DLG2: variants seen among roughly 807,000 people sequenced by gnomAD.
DLG2 encodes the protein disks large homolog 2.
DLG2 carries 45 observed loss-of-function variants against 132.5 expected under a neutral mutation model. That is an observed-to-expected ratio of 0.34 (90% CI 0.27 to 0.44). The LOEUF (loss-of-function observed/expected upper bound fraction) is 0.44, where lower values mean the gene tolerates loss of function less well. Among genes scored for constraint, DLG2 ranks in the 20% least tolerant of loss-of-function variants. The probability of loss-of-function intolerance (pLI) is 1.00; values close to 1 mark genes in which losing one functional copy is unlikely to be tolerated. For synonymous variants in DLG2, 424 were observed against 419.6 expected (o/e 1.01, Z -0.13); for missense variants, 1,045 against 1,196.9 (o/e 0.87, Z 1.87).
At chr11:84,550,966 C>T (rs2099400663) in intron 6 of DLG2, among the ~76,000 whole-genome samples, 2 of 152,120 alleles carry the variant, frequency 1.3e-5, no homozygotes, top group African/African-American at 4.8e-5. Context: ...TATGGGAAGA[C>T]ACTCAGGGGT....
rs557657093 is a variant in DLG2, at chr11:84,257,342, C to T, written c.520-6051G>A. 8.5e-5 allele frequency among the ~76,000 whole-genome samples: 13 copies of T among 152,266 alleles called. 1 individual carries two copies. In the East Asian group the frequency reaches 2.5e-3, roughly 29 times the overall value. On this transcript the variant is annotated intron_variant, in intron 7 of 27. Coordinates refer to ENST00000376104, the MANE Select transcript of DLG2 (RefSeq NM_001142699.3). Reference sequence around the variant, plus strand: ...ACCCTACTCCTATTTGGAGGATTTACTTGGAACCTACAATTATCACTACCT... The same window carrying T: ...ACCCTACTCCTATTTGGAGGATTTATTTGGAACCTACAATTATCACTACCT...
intron 3 of DLG2, among the ~76,000 whole-genome samples, chr11:85,552,779 T>C (rs2076737397): frequency 6.6e-6 from 1 of 151,470 alleles, no homozygotes; most frequent in Non-Finnish European, 1.5e-5. Context: ...GAATGAATGT[T>C]ATGGAGGATA....
chr11:85,176,735 G>C (rs550651101), intron 4 of DLG2, among the ~76,000 whole-genome samples: 13 of 151,922 alleles, frequency 8.6e-5, no homozygotes, highest in Non-Finnish European at 1.6e-4. Context: ...CTAATATCTA[G>C]AGTTTACATG....
At chr11:85,502,901 T>C (rs959840507) in intron 3 of DLG2, among the ~76,000 whole-genome samples, 3 of 152,106 alleles carry the variant, frequency 2.0e-5, no homozygotes, top group Admixed American at 6.6e-5. Context: ...TTGATTTTAA[T>C]AGCAAAGGCT....
chr11:83,969,408 T>C (rs1340265561), intron 12 of DLG2, among the ~76,000 whole-genome samples: 1 of 152,200 alleles, frequency 6.6e-6, no homozygotes, highest in Admixed American at 6.5e-5. Flanking sequence ...AATAGTATAC[T>C]GCATCATCCT....
At chr11:83,783,526 C>T (rs2094921050) in intron 18 of DLG2, among the ~76,000 whole-genome samples, 1 of 152,026 alleles carries the variant, frequency 6.6e-6, no homozygotes, top group Non-Finnish European at 1.5e-5. Context: ...ATGAAGAATC[C>T]CTTCAACCTT....
chr11:84,433,866 C>A (rs2154474318), intron 7 of DLG2, among the ~76,000 whole-genome samples: 1 of 152,150 alleles, frequency 6.6e-6, no homozygotes, highest in Non-Finnish European at 1.5e-5. Flanking sequence ...CCTGTAATCC[C>A]AGCACTTTGG....
intron 6 of DLG2, among the ~76,000 whole-genome samples, chr11:84,554,061 T>A (rs2099407095): frequency 6.6e-6 from 1 of 152,212 alleles, no homozygotes; most frequent in African/African-American, 2.4e-5. Context: ...TTGAATTCAA[T>A]TCAAATTCTC....
At chr11:84,596,703 C>T (rs1233003275) in intron 6 of DLG2, among the ~76,000 whole-genome samples, 1 of 152,044 alleles carries the variant, frequency 6.6e-6, no homozygotes, top group Non-Finnish European at 1.5e-5. Flanking sequence ...CATGCGTTTG[C>T]CACAGGAAGC....
chr11:84,849,342 C>T (rs1255687073), intron 6 of DLG2, among the ~76,000 whole-genome samples: 3 of 152,136 alleles, frequency 2.0e-5, no homozygotes, highest in South Asian at 2.1e-4. Context: ...CGCTCATTCA[C>T]CTAACATCAA....
At chr11:83,661,738 A>T (rs1363435589) in intron 18 of DLG2, among the ~76,000 whole-genome samples, 4 of 151,856 alleles carry the variant, frequency 2.6e-5, no homozygotes, top group Non-Finnish European at 5.9e-5. Flanking sequence ...TCCAAAGGGC[A>T]CTGCAAGGCT....
At chr11:85,533,426 T>A (rs929098676) in intron 3 of DLG2, among the ~76,000 whole-genome samples, 1 of 148,824 alleles carries the variant, frequency 6.7e-6, no homozygotes, top group Non-Finnish European at 1.5e-5. Context: ...TATTGAAATA[T>A]ATATATGAAA....
At chr11:84,782,636 A>C (rs10501571) in intron 6 of DLG2, among the ~76,000 whole-genome samples, 40,562 of 152,022 alleles carry the variant, frequency 0.27, 5,940 homozygotes, top group Middle Eastern at 0.32. Context: ...ACCTATGAGA[A>C]CTTGAATAAA....
intron 15 of DLG2, among the ~76,000 whole-genome samples, chr11:83,895,145 C>CTTTTTTTTTTTTTTTTT (rs11287512): frequency 6.8e-5 from 6 of 87,910 alleles, no homozygotes; most frequent in African/African-American, 2.5e-4. Flanking sequence ...GAACTACTGT[C>CTTTTTTTTTTTTTTTTT]TTTTTTTTTT....
intron 15 of DLG2, among the ~76,000 whole-genome samples, chr11:83,892,918 C>T (rs7943578): frequency 1.3e-5 from 2 of 152,168 alleles, no homozygotes; most frequent in Admixed American, 6.5e-5. Context: ...CATATATAAT[C>T]TAACTTGCGA....
chr11:84,987,522 T>C (rs2056629496), intron 6 of DLG2, among the ~76,000 whole-genome samples: 1 of 152,132 alleles, frequency 6.6e-6, no homozygotes, highest in African/African-American at 2.4e-5. Flanking sequence ...CAAACTATAC[T>C]TTAAGGCCAT....
intron 4 of DLG2, among the ~76,000 whole-genome samples, chr11:85,174,064 A>G (rs1003740512): frequency 7.9e-5 from 12 of 152,226 alleles, no homozygotes; most frequent in African/African-American, 2.4e-5. Context: ...CAGATCACCA[A>G]GACAGAAAAT....
intron 3 of DLG2, among the ~76,000 whole-genome samples, chr11:85,487,726 G>C: frequency 6.6e-6 from 1 of 152,134 alleles, no homozygotes; most frequent in East Asian, 1.9e-4. Context: ...CAAGGGTGAA[G>C]AGAGATCAAA....
In DLG2 at chr11:84,014,506, C is replaced by A. The variant is rs12278311; in HGVS notation, c.920-33864G>T. On this transcript the variant is annotated intron_variant, in intron 11 of 27. Coordinates refer to ENST00000376104, the MANE Select transcript of DLG2 (RefSeq NM_001142699.3). Reference sequence around the variant, plus strand: ...TTTAAAGAATCTTCTCTGTATCTGACCAATCTGGTCAACTAGTCTTGTTCC... The same window carrying A: ...TTTAAAGAATCTTCTCTGTATCTGAACAATCTGGTCAACTAGTCTTGTTCC... Among the ~76,000 whole-genome samples, 637 of 152,214 alleles carry A rather than the reference C, an allele frequency of 4.2e-3. 1 individual carries two copies. Among genetic ancestry groups the A allele is most frequent in the Non-Finnish European group, 7.1e-3 (482 of 68,016 alleles).
Sources: gnomAD v4.1 joint callset for allele counts (sites outside exome capture counted in the v4.1 genomes callset) on GRCh38, gnomAD v4.1.1 for gene constraint, MANE v1.5 for transcripts, NCBI Gene and HGNC (gene_info 2026-07-23, HGNC 2026-07-21) for gene names.